Variants in CEP128 observed in about 807,000 individuals in gnomAD.
The protein encoded by CEP128 is centrosomal protein 128.
Under a neutral mutation model 156.7 loss-of-function variants are expected in CEP128, and 132 were observed. That is an observed-to-expected ratio of 0.84 (90% CI 0.73 to 0.97). The LOEUF (loss-of-function observed/expected upper bound fraction) is 0.97. Ranked by LOEUF, CEP128 falls within the 50% of genes least tolerant of loss-of-function variation. The probability of loss-of-function intolerance (pLI) is 0.00; values close to 1 mark genes in which losing one functional copy is unlikely to be tolerated. For synonymous variants in CEP128, 469 were observed against 448.9 expected (o/e 1.04, Z -0.57); for missense variants, 1,252 against 1,281.9 (o/e 0.98, Z 0.36).
chr14:80,808,392 A>G (rs1465739688), intron 13 of CEP128, among the ~76,000 whole-genome samples: 1 of 152,148 alleles, frequency 6.6e-6, no homozygotes, highest in African/African-American at 2.4e-5. Flanking sequence ...TGAGAGCTGC[A>G]TGTCTGGGCT....
At chr14:80,523,778 C>T (rs1271599292) in intron 23 of CEP128, among the ~76,000 whole-genome samples, 2 of 152,098 alleles carry the variant, frequency 1.3e-5, no homozygotes, top group Admixed American at 6.6e-5. Flanking sequence ...TTGGCAAATA[C>T]AGAAAAAGGA....
intron 19 of CEP128, among the ~76,000 whole-genome samples, chr14:80,705,224 G>C (rs1897201309): frequency 1.3e-5 from 2 of 151,954 alleles, no homozygotes. Flanking sequence ...TGAATTGCTT[G>C]ATAGGCCTCT....
chr14:80,736,824 TTCAA>T (rs1328037317), intron 19 of CEP128, among the ~76,000 whole-genome samples: 18 of 152,336 alleles, frequency 1.2e-4, no homozygotes, highest in Admixed American at 8.5e-4. Flanking sequence ...TGATTTCGCA[TTCAA>T]TCACAGTTGA....
chr14:80,661,721 CAAAT>C (rs1895410380), intron 19 of CEP128, among the ~76,000 whole-genome samples: 1 of 152,064 alleles, frequency 6.6e-6, no homozygotes, highest in African/African-American at 2.4e-5. Context: ...AGTTGGACTT[CAAAT>C]AAATATATGT....
At chr14:80,865,176 T>C (rs1472065552) in intron 8 of CEP128, among the ~76,000 whole-genome samples, 2 of 152,150 alleles carry the variant, frequency 1.3e-5, no homozygotes, top group African/African-American at 2.4e-5. Flanking sequence ...GATAATGCAG[T>C]ATTTATATTT....
chr14:80,576,606 C>T (rs1214708836), intron 20 of CEP128, among the ~76,000 whole-genome samples: 1 of 150,800 alleles, frequency 6.6e-6, no homozygotes, highest in African/African-American at 2.5e-5. Flanking sequence ...TACTACCACT[C>T]ATGTGAAATT....
chr14:80,503,926 A>C (rs2140189232), intron 24 of CEP128, among the ~76,000 whole-genome samples: 1 of 152,308 alleles, frequency 6.6e-6, no homozygotes, highest in African/African-American at 2.4e-5. Context: ...GAATCCATGA[A>C]TATAAACCAG....
rs327475 is a variant in CEP128, at chr14:80,772,983, G to T, written c.2376+4899C>A. ...CAAGGCTAGCTAACTAAAGGCGTAA[G>T]ACAGCATCTTTTGTAACAGAGGAAG... On this transcript the variant is annotated intron_variant, in intron 16 of 24. Transcript: ENST00000555265. 9.1e-3 allele frequency among the ~76,000 whole-genome samples: 1,389 copies of T among 152,318 alleles called. 24 individuals carry two copies. The highest frequency in any genetic ancestry group is 0.032 in the African/African-American group (1,325 of 41,562).
chr14:80,493,637 C>T (rs1387237699), downstream of CEP128, among the ~76,000 whole-genome samples: 1 of 152,160 alleles, frequency 6.6e-6, no homozygotes, highest in Non-Finnish European at 1.5e-5. Context: ...CAATATAAAT[C>T]ATTTCCTAAT....
intron 19 of CEP128, among the ~76,000 whole-genome samples, chr14:80,667,283 A>G (rs1250333695): frequency 6.6e-6 from 1 of 152,200 alleles, no homozygotes; most frequent in African/African-American, 2.4e-5. Context: ...AGGCAGCTAC[A>G]CACCTTAAAA....
chr14:80,766,673 A>C (rs888390551), intron 16 of CEP128, among the ~76,000 whole-genome samples: 3 of 152,164 alleles, frequency 2.0e-5, no homozygotes, highest in Non-Finnish European at 4.4e-5. Context: ...ATATTACGTT[A>C]AATAAAGTAC....
intron 19 of CEP128, among the ~76,000 whole-genome samples, chr14:80,624,316 C>T (rs1893617877): frequency 6.6e-6 from 1 of 152,050 alleles, no homozygotes; most frequent in African/African-American, 2.4e-5. Context: ...TTTCTTTATC[C>T]ATTCATCTGT....
chr14:80,659,416 G>A (rs1430883916), intron 19 of CEP128, among the ~76,000 whole-genome samples: 1 of 152,102 alleles, frequency 6.6e-6, no homozygotes, highest in African/African-American at 2.4e-5. Flanking sequence ...ATGGAGCTTG[G>A]CACATAACAA....
At chr14:80,930,453 A>C (rs1349008872) in intron 2 of CEP128, among the ~76,000 whole-genome samples, 2 of 152,200 alleles carry the variant, frequency 1.3e-5, no homozygotes, top group African/African-American at 4.8e-5. Context: ...TAAAAAACAA[A>C]TGTCACTGGA....
chr14:80,593,239 G>A (rs1457433088), intron 19 of CEP128, among the ~76,000 whole-genome samples: 1 of 151,972 alleles, frequency 6.6e-6, no homozygotes, highest in Non-Finnish European at 1.5e-5. Flanking sequence ...TGACATGATT[G>A]TTTATTTAAA....
intron 19 of CEP128, among the ~76,000 whole-genome samples, chr14:80,621,973 T>C (rs933807276): frequency 6.6e-6 from 1 of 152,080 alleles, no homozygotes; most frequent in Non-Finnish European, 1.5e-5. Context: ...AGCAGGTATA[T>C]GCAGGCTGTG....
At chr14:80,736,932 C>T (rs1012413670) in intron 19 of CEP128, among the ~76,000 whole-genome samples, 1 of 152,078 alleles carries the variant, frequency 6.6e-6, no homozygotes, top group Non-Finnish European at 1.5e-5. Context: ...AACTTCAATC[C>T]CTGTTGACCT....
intron 13 of CEP128, among the ~76,000 whole-genome samples, chr14:80,813,951 T>C (rs1057228125): frequency 8.5e-5 from 13 of 152,210 alleles, no homozygotes; most frequent in African/African-American, 3.1e-4. Context: ...GAAATTACTT[T>C]CTACTTTTTA....
At chr14:80,903,987 G>A (rs1440072866) in intron 6 of CEP128, among the ~76,000 whole-genome samples, 1 of 152,024 alleles carries the variant, frequency 6.6e-6, no homozygotes, top group Non-Finnish European at 1.5e-5. Flanking sequence ...CCCATTTCTG[G>A]ATATATACCC....
Sources: gnomAD v4.1 joint callset for allele counts (sites outside exome capture counted in the v4.1 genomes callset) on GRCh38, gnomAD v4.1.1 for gene constraint, MANE v1.5 for transcripts, NCBI Gene and HGNC (gene_info 2026-07-23, HGNC 2026-07-21) for gene names.